The following ABI2 variants were observed in gnomAD, a reference collection of about 807,000 sequenced individuals.
ABI2 encodes abl interactor 2.
ABI2 carries 25 observed loss-of-function variants against 59.2 expected under a neutral mutation model. That is an observed-to-expected ratio of 0.42 (90% CI 0.31 to 0.59). The LOEUF is 0.59. ABI2 is among the 20% of genes least tolerant of loss of function. The pLI is 0.14. For missense variants in ABI2, 545 were observed against 681.8 expected (o/e 0.80, Z 2.23); for synonymous variants, 213 against 235.5 (o/e 0.90, Z 0.87).
chr2:203,349,034 G>C (rs1427085353), intron 1 of ABI2, among the ~76,000 whole-genome samples: 4 of 151,922 alleles, frequency 2.6e-5, no homozygotes, highest in Non-Finnish European at 4.4e-5. Flanking sequence ...GTGGGTTCAA[G>C]TGATTCTCCT....
At chr2:203,416,877 T>C (rs766057110) in intron 10 of ABI2, 31 bp from the exon 11 acceptor site, 16 of 1,578,116 alleles carry the variant, frequency 1.0e-5, no homozygotes, top group African/African-American at 2.7e-5. Flanking sequence ...GCATAACATA[T>C]AGTTTTGTTG....
At chr2:203,382,924 A>G (rs2096231163) in intron 4 of ABI2, among the ~76,000 whole-genome samples, 1 of 152,242 alleles carries the variant, frequency 6.6e-6, no homozygotes, top group Non-Finnish European at 1.5e-5. Context: ...GTTAAGAATT[A>G]GAGATATTTC....
chr2:203,368,716 A>T (rs995681121), intron 2 of ABI2, among the ~76,000 whole-genome samples: 1 of 151,138 alleles, frequency 6.6e-6, no homozygotes, highest in South Asian at 2.1e-4. Context: ...ATCTTAAGTT[A>T]AAAAAAAATT....
chr2:203,384,102 A>G (rs2096302228), intron 4 of ABI2, among the ~76,000 whole-genome samples: 1 of 152,164 alleles, frequency 6.6e-6, no homozygotes, highest in South Asian at 2.1e-4. Context: ...GTTTTTCTTC[A>G]GTCAAGTTAC....
In ABI2 at chr2:203,371,740, G is replaced by C. The variant is rs547370994; in HGVS notation, c.285+4696G>C. 4.6e-5 allele frequency among the ~76,000 whole-genome samples: 7 copies of C among 152,002 alleles called. No individual in the cohort carries two copies. In the South Asian group the frequency reaches 1.5e-3, roughly 32 times the overall value. On this transcript the variant is annotated intron_variant, in intron 2 of 11. Transcript: ENST00000261018. ...TGTAATTTTACTGAATACTTGTACA[G>C]GTACACATACCTTTAAGTCAGTATA... is the stretch of plus-strand genomic sequence containing the variant.
chr2:203,427,430 C>G lies in ABI2; in HGVS notation c.*78C>G. 1 of 1,268,694 alleles carries G rather than the reference C, an allele frequency of 7.9e-7. No individual in the cohort carries two copies. Among genetic ancestry groups the G allele is most frequent in the African/African-American group, 1.5e-5 (1 of 66,822 alleles). 78.6% of individuals were successfully genotyped at this position (1,268,694 alleles called of 1,614,324 possible). On this transcript the variant is annotated 3_prime_UTR_variant, in exon 12 of 12. Coordinates refer to ENST00000261018, the MANE Select transcript of ABI2 (RefSeq NM_001375670.1). The stretch of plus-strand genomic sequence containing the variant: ...ATCTGAAGGCCCTGGGGATTCCACT[C>G]CAGTAAAGTAGAATGAAGGATACAA...
chr2:203,408,095 A>C lies in ABI2; in HGVS notation c.1193-3190A>C, dbSNP rs16839772. Among the ~76,000 whole-genome samples the C allele has an allele frequency of 5.4e-3, 827 of 152,254 alleles. 9 individuals are homozygous for C. Among genetic ancestry groups the C allele is most frequent in the African/African-American group, 0.019 (780 of 41,546 alleles). On this transcript the variant is annotated intron_variant, in intron 9 of 11. Transcript: ENST00000261018. ...CATGCCTTAGACTAGCTTTGAAAAAAGTCTAACTTGTTACCAAGTCATTCT... is the reference window on the plus strand; with the variant it reads ...CATGCCTTAGACTAGCTTTGAAAAACGTCTAACTTGTTACCAAGTCATTCT...
chr2:203,330,079 T>A (rs925729212), intron 1 of ABI2, among the ~76,000 whole-genome samples: 2 of 152,134 alleles, frequency 1.3e-5, no homozygotes, highest in East Asian at 3.8e-4. Flanking sequence ...GTGTAAATTT[T>A]AAAAAACAGG....
intron 1 of ABI2, among the ~76,000 whole-genome samples, chr2:203,338,444 G>T (rs995535830): frequency 6.8e-4 from 104 of 152,092 alleles, no homozygotes; most frequent in African/African-American, 2.4e-3. Flanking sequence ...CATCCCTTTA[G>T]TGATAAGTGA....
chr2:203,355,697 G>A (rs1347150322), intron 1 of ABI2, among the ~76,000 whole-genome samples: 2 of 151,774 alleles, frequency 1.3e-5, no homozygotes, highest in African/African-American at 2.4e-5. Flanking sequence ...CAGGCATGGT[G>A]GCGCACGCCT....
chr2:203,362,545 A>T (rs1220720717), intron 1 of ABI2, among the ~76,000 whole-genome samples: 2 of 151,502 alleles, frequency 1.3e-5, no homozygotes, highest in African/African-American at 2.4e-5. Context: ...ATTTATTTTG[A>T]GACTGAGTCT....
chr2:203,372,399 A>C (rs2095305247), intron 2 of ABI2, among the ~76,000 whole-genome samples: 1 of 152,222 alleles, frequency 6.6e-6, no homozygotes, highest in Non-Finnish European at 1.5e-5. Flanking sequence ...TCTATTCCAC[A>C]AAACCGCCAT....
chr2:203,402,246 G>A (rs1304333446), intron 8 of ABI2, among the ~76,000 whole-genome samples: 1 of 152,114 alleles, frequency 6.6e-6, no homozygotes, highest in Non-Finnish European at 1.5e-5. Context: ...CGTTGGCCAG[G>A]CTGGTCTGAA....
At chr2:203,380,518 C>T (rs1055868970) in intron 3 of ABI2, 134 bp downstream of exon 3, 2 of 505,362 alleles carry the variant, frequency 4.0e-6, no homozygotes, top group African/African-American at 2.0e-5. Flanking sequence ...GTGAAGATTC[C>T]TTGCTACTAT....
rs60160570 is a variant in ABI2, at chr2:203,357,759, T to TTTTG, written c.118-9093_118-9090dup. ...GAAACTGAATTTGGTTTTTGGGGTT[T>TTTTG]TTTGTTTGTTTGTTTGTTTGTTTGT... On this transcript the variant is annotated intron_variant, in intron 1 of 11. Coordinates refer to ENST00000261018, the MANE Select transcript of ABI2 (RefSeq NM_001375670.1). Among the ~76,000 whole-genome samples, 1,467 of 150,986 alleles carry TTTTG rather than the reference T, an allele frequency of 9.7e-3. 26 individuals are homozygous for TTTTG. The highest frequency in any genetic ancestry group is 0.034 in the African/African-American group (1,394 of 41,120).
At chr2:203,410,189 CT>C (rs1460899576) in intron 9 of ABI2, among the ~76,000 whole-genome samples, 1 of 152,204 alleles carries the variant, frequency 6.6e-6, no homozygotes, top group African/African-American at 2.4e-5. Flanking sequence ...TCCACCACTA[CT>C]TCCAGGGAAT....
intron 8 of ABI2, among the ~76,000 whole-genome samples, chr2:203,397,927 G>A (rs990121156): frequency 2.6e-5 from 4 of 152,114 alleles, no homozygotes; most frequent in Non-Finnish European, 4.4e-5. Flanking sequence ...ATGAGAAACC[G>A]CCCTTGTGAT....
At chr2:203,414,381 C>T (rs1279982132) in intron 10 of ABI2, among the ~76,000 whole-genome samples, 1 of 152,128 alleles carries the variant, frequency 6.6e-6, no homozygotes, top group African/African-American at 2.4e-5. Flanking sequence ...GGATTACAGG[C>T]GTGAGCCTCC....
intron 10 of ABI2, 117 bp from the exon 11 acceptor site, chr2:203,416,791 G>A: frequency 9.2e-7 from 1 of 1,082,990 alleles, no homozygotes; most frequent in Non-Finnish European, 1.3e-6. Flanking sequence ...ATTTTTTGAA[G>A]GAATATTACA....
Sources: allele counts gnomAD v4.1 joint callset (sites outside exome capture counted in the v4.1 genomes callset), GRCh38; gene constraint gnomAD v4.1.1; transcripts MANE v1.5; gene names NCBI Gene and HGNC (gene_info 2026-07-23, HGNC 2026-07-21).